The following PLCZ1 variants were observed in gnomAD, a reference collection of about 807,000 sequenced individuals.
The protein encoded by PLCZ1 is phospholipase C zeta 1.
PLCZ1 carries 64 observed loss-of-function variants against 76.8 expected under a neutral mutation model. The observed-to-expected ratio is 0.83, with a 90% CI of 0.68 to 1.03. The LOEUF (loss-of-function observed/expected upper bound fraction) is 1.03, where lower values mean the gene tolerates loss of function less well. Ranked by LOEUF, PLCZ1 falls within the 50% of genes least tolerant of loss-of-function variation. The pLI is 0.00. For synonymous variants in PLCZ1, 248 were observed against 230.8 expected (o/e 1.07, Z -0.68); for missense variants, 751 against 713.7 (o/e 1.05, Z -0.60).
the PLCZ1 span, among the ~76,000 whole-genome samples, chr12:18,654,776 A>T: frequency 7.2e-5 from 11 of 152,158 alleles, no homozygotes; most frequent in Non-Finnish European, 1.6e-4. Context: ...GATAATCAAG[A>T]CTTGTTTGAA....
the PLCZ1 span, among the ~76,000 whole-genome samples, chr12:18,670,239 T>C: frequency 6.6e-6 from 1 of 151,732 alleles, no homozygotes; most frequent in African/African-American, 2.4e-5. Context: ...TTCAGAAGAG[T>C]TGTTTTATCA....
At chr12:18,693,368 T>A in intron 12 of PLCZ1, 1 of 1,603,134 alleles carries the variant, frequency 6.2e-7, no homozygotes, top group Non-Finnish European at 8.5e-7. Flanking sequence ...TTCGGGAAAT[T>A]AAGGAATCTG....
chr12:18,687,018 T>C (rs1265896621), intron 13 of PLCZ1, among the ~76,000 whole-genome samples: 2 of 152,052 alleles, frequency 1.3e-5, no homozygotes, highest in Non-Finnish European at 2.9e-5. Flanking sequence ...GAACAAGAGA[T>C]AGATTATTAT....
chr12:18,736,487 T>C, intron 2 of PLCZ1, 143 bp from the exon 3 acceptor site: 9 of 1,207,930 alleles, frequency 7.5e-6, no homozygotes, highest in Non-Finnish European at 1.0e-5. Flanking sequence ...GTATGATAAA[T>C]ATTTTTTAAA....
chr12:18,680,980 G>C (rs111580888), downstream of PLCZ1, among the ~76,000 whole-genome samples: 1,614 of 152,154 alleles, frequency 0.011, 25 homozygotes, highest in African/African-American at 0.037. Context: ...AGCCAGGATA[G>C]GGGAGTGTGT....
chr12:18,697,841 G>C (rs1253868011), intron 10 of PLCZ1, among the ~76,000 whole-genome samples: 1 of 151,280 alleles, frequency 6.6e-6, no homozygotes, highest in Non-Finnish European at 1.5e-5. Flanking sequence ...ATAATAATTG[G>C]CATCCTTGAA....
the PLCZ1 span, among the ~76,000 whole-genome samples, chr12:18,646,795 A>G: frequency 1.3e-5 from 2 of 152,112 alleles, no homozygotes; most frequent in African/African-American, 2.4e-5. Context: ...TTCATGATAA[A>G]TAACTAATTT....
chr12:18,727,856 T>A lies in PLCZ1; in HGVS notation c.136-4314A>T, dbSNP rs17422274. Among the ~76,000 whole-genome samples, 1,265 of 152,278 alleles carry A rather than the reference T, an allele frequency of 8.3e-3. 7 individuals are homozygous for A. The highest frequency in any genetic ancestry group is 0.014 in the Non-Finnish European group (967 of 68,006). On this transcript the variant is annotated intron_variant, in intron 3 of 14. Transcript: ENST00000266505. ...TGCATATGAGTCAACTTGGGACTTG[T>A]TGAAATGCAATCAGCTTCATTTCTG...
At chr12:18,667,047 G>A in the PLCZ1 span, among the ~76,000 whole-genome samples, 1 of 152,104 alleles carries the variant, frequency 6.6e-6, no homozygotes, top group African/African-American at 2.4e-5. Flanking sequence ...ACCAGACAGA[G>A]TGCATCCTCA....
chr12:18,706,214 G>A (rs528830089), intron 6 of PLCZ1, among the ~76,000 whole-genome samples: 38 of 150,858 alleles, frequency 2.5e-4, no homozygotes, highest in Non-Finnish European at 3.7e-4. Context: ...CCTGGGTGAC[G>A]GAATGAGACT....
chr12:18,660,424 A>G, the PLCZ1 span, among the ~76,000 whole-genome samples: 4 of 152,126 alleles, frequency 2.6e-5, no homozygotes, highest in African/African-American at 9.7e-5. Context: ...AGCTGAAGTG[A>G]GATCCAGGGG....
Position 18,692,359 on chromosome 12 carries a change from G to A in PLCZ1, c.1461+2551C>T, listed in dbSNP as rs141716612. ...ATAGAACTGCTCATAAGTAAGTGGA[G>A]AGAAAAAGCAACTAGAGGTTTTTCA... On this transcript the variant is annotated intron_variant, in intron 12 of 14. Transcript: ENST00000266505. 3.1e-3 allele frequency among the ~76,000 whole-genome samples: 473 copies of A among 152,234 alleles called. 1 individual carries two copies. Among genetic ancestry groups the A allele is most frequent in the Middle Eastern group, 0.017 (5 of 294 alleles).
At chr12:18,727,491 G>C (rs989890635) in intron 3 of PLCZ1, among the ~76,000 whole-genome samples, 1 of 152,134 alleles carries the variant, frequency 6.6e-6, no homozygotes, top group Admixed American at 6.6e-5. Context: ...AGGTGAGAAG[G>C]AAGATATTTG....
chr12:18,711,348 C>G (rs1957299777), intron 6 of PLCZ1, among the ~76,000 whole-genome samples: 1 of 120,698 alleles, frequency 8.3e-6, no homozygotes, highest in African/African-American at 3.3e-5. Flanking sequence ...AACACATGGA[C>G]ACAGGAAGGG....
intron 13 of PLCZ1, 102 bp downstream of exon 13, chr12:18,687,986 CT>C: frequency 6.7e-7 from 1 of 1,484,422 alleles, no homozygotes; most frequent in Non-Finnish European, 9.2e-7. Flanking sequence ...AAACCCTTGT[CT>C]TATGAATAAT....
At chr12:18,679,909 A>G (rs1277136873), downstream of PLCZ1, among the ~76,000 whole-genome samples, 5 of 152,150 alleles carry the variant, frequency 3.3e-5, no homozygotes, top group South Asian at 1.0e-3. Flanking sequence ...CTATCTCTTC[A>G]TCAGTTCAAA....
At chr12:18,650,331 C>CTCTCTATATA in the PLCZ1 span, among the ~76,000 whole-genome samples, 2 of 91,984 alleles carry the variant, frequency 2.2e-5, no homozygotes, top group Non-Finnish European at 4.1e-5. Context: ...CTCTCTCTCT[C>CTCTCTATATA]TATATATATA....
chr12:18,700,445 C>A (rs1268466678), intron 9 of PLCZ1, among the ~76,000 whole-genome samples: 1 of 135,572 alleles, frequency 7.4e-6, no homozygotes, highest in Non-Finnish European at 1.5e-5. Context: ...CTAAACAGAG[C>A]TTTGCATTCC....
intron 4 of PLCZ1, 91 bp from the exon 5 acceptor site, chr12:18,719,723 G>A: frequency 1.2e-6 from 1 of 811,016 alleles, no homozygotes; most frequent in Non-Finnish European, 1.9e-6. Flanking sequence ...TTACTCAGTA[G>A]TAGAGCATAT....
Sources: allele counts gnomAD v4.1 joint callset (sites outside exome capture counted in the v4.1 genomes callset), GRCh38; gene constraint gnomAD v4.1.1; transcripts MANE v1.5; gene names NCBI Gene and HGNC (gene_info 2026-07-23, HGNC 2026-07-21).